The following PACSIN1 variants were observed in gnomAD, a reference collection of about 807,000 sequenced individuals.
The protein encoded by PACSIN1 is protein kinase C and casein kinase substrate in neurons protein 1.
PACSIN1 carries 15 observed loss-of-function variants against 59.5 expected under a neutral mutation model. That is an observed-to-expected ratio of 0.25 (90% CI 0.17 to 0.39). The LOEUF (loss-of-function observed/expected upper bound fraction) is 0.39. Ranked by LOEUF, PACSIN1 falls within the 10% of genes least tolerant of loss-of-function variation. PACSIN1 has a pLI of 1.00. For missense variants in PACSIN1, 420 were observed against 580.2 expected, an observed-to-expected ratio of 0.72 and a Z score of 2.84; for synonymous variants, 210 against 220.6, an observed-to-expected ratio of 0.95 and a Z score of 0.42.
intron 1 of PACSIN1, among the ~76,000 whole-genome samples, chr6:34,481,078 C>T (rs532559692): frequency 1.1e-4 from 17 of 151,986 alleles, no homozygotes; most frequent in Admixed American, 7.2e-4. Context: ...CAAGGTCTCA[C>T]TCTGTTGCCC....
At chr6:34,482,278 G>T (rs1157890906) in intron 1 of PACSIN1, among the ~76,000 whole-genome samples, 1 of 152,094 alleles carries the variant, frequency 6.6e-6, no homozygotes, top group Non-Finnish European at 1.5e-5. Flanking sequence ...TAGAGATGGG[G>T]TTTCACCATG....
At chr6:34,485,933 T>C (rs2127249098) in intron 1 of PACSIN1, among the ~76,000 whole-genome samples, 1 of 152,218 alleles carries the variant, frequency 6.6e-6, no homozygotes. Flanking sequence ...TGGACAGGCC[T>C]TTCCAGGAGT....
intron 1 of PACSIN1, among the ~76,000 whole-genome samples, chr6:34,487,696 C>G (rs77767536): frequency 0.013 from 1,984 of 152,156 alleles, 39 homozygotes; most frequent in African/African-American, 0.043. Flanking sequence ...GGCTTTGCAC[C>G]CTCGCATTGA....
rs962897415 is a variant in PACSIN1, at chr6:34,527,007, C to A, written c.64-325C>A. Among the ~76,000 whole-genome samples the A allele has an allele frequency of 6.6e-5, 10 of 152,306 alleles. No homozygotes were observed. In the South Asian group the frequency reaches 1.0e-3, roughly 16 times the overall value. ...ATATAATAGATTTAACTCGCAAAAA[C>A]AAAATGAATAATTCATTCCAGCCCA... On this transcript the variant is annotated intron_variant, in intron 2 of 9. Transcript: ENST00000244458.
chr6:34,488,894 A>C lies in PACSIN1; in HGVS notation c.-64+22624A>C, dbSNP rs1247181793. On this transcript the variant is annotated intron_variant, in intron 1 of 9. Coordinates refer to ENST00000244458, the MANE Select transcript of PACSIN1 (RefSeq NM_020804.5). The surrounding 1 kb of genome is among the most constrained non-coding windows in gnomAD (Gnocchi z 4.7). ...TTAAAGTGACAAATAAAAATTGACT[A>C]TATTGGCTGTGCGCAGTGGCTCACA... is the stretch of plus-strand genomic sequence containing the variant. Among the ~76,000 whole-genome samples, 1 of 151,892 alleles carries C rather than the reference A, an allele frequency of 6.6e-6. No homozygotes were observed. The highest frequency in any genetic ancestry group is 1.5e-5 in the Non-Finnish European group (1 of 67,950).
chr6:34,468,014 A>T (rs1476407196), intron 1 of PACSIN1, among the ~76,000 whole-genome samples: 1 of 152,202 alleles, frequency 6.6e-6, no homozygotes, highest in Non-Finnish European at 1.5e-5. Context: ...GGCTCTCCTC[A>T]GGCCGCTGGG....
intron 1 of PACSIN1, among the ~76,000 whole-genome samples, chr6:34,506,163 G>T (rs758453837): frequency 2.0e-5 from 3 of 151,964 alleles, no homozygotes; most frequent in Non-Finnish European, 4.4e-5. Context: ...GCATCTGTTG[G>T]TTGCCTTTTC....
intron 1 of PACSIN1, among the ~76,000 whole-genome samples, chr6:34,495,884 C>T (rs906368145): frequency 3.2e-4 from 49 of 152,320 alleles, no homozygotes; most frequent in East Asian, 3.9e-4. Context: ...CCCTCTGTCT[C>T]GCCCAGGCCC....
rs112660817 is a variant in PACSIN1 at position 34,479,348 on chromosome 6, C to T, written c.-64+13078C>T. Among the ~76,000 whole-genome samples the T allele has an allele frequency of 7.3e-4, 111 of 152,234 alleles. No individual in the cohort carries two copies. The Middle Eastern group carries it at 0.01, about 14-fold the overall frequency. On this transcript the variant is annotated intron_variant, in intron 1 of 9. Coordinates refer to ENST00000244458, the MANE Select transcript of PACSIN1 (RefSeq NM_020804.5). ...CCCCACTGGAACCCACCATTCTAAA[C>T]AGTTAGGGTTATTCACTGCTTTGTT...
chr6:34,508,180 T>G (rs1767143587), intron 1 of PACSIN1, among the ~76,000 whole-genome samples: 1 of 152,206 alleles, frequency 6.6e-6, no homozygotes, highest in Non-Finnish European at 1.5e-5. Context: ...CTCAGCTCAC[T>G]GCAACCTCCA....
rs1447664530 is a variant in PACSIN1 at position 34,521,020 on chromosome 6, T to A, written c.-63-5223T>A. ...GTGAATGTTAGAAGGTCCTTGGCAT[T>A]TATTCATTCATTCATTCAACAAAAG... On this transcript the variant is annotated intron_variant, in intron 1 of 9. Coordinates refer to ENST00000244458, the MANE Select transcript of PACSIN1 (RefSeq NM_020804.5). The surrounding 1 kb of genome is among the most constrained non-coding windows in gnomAD (Gnocchi z 4.3). 6.6e-6 allele frequency among the ~76,000 whole-genome samples: 1 copy of A among 152,226 alleles called. No homozygotes were observed. Among genetic ancestry groups the A allele is most frequent in the Non-Finnish European group, 1.5e-5 (1 of 68,032 alleles).
intron 1 of PACSIN1, among the ~76,000 whole-genome samples, chr6:34,467,804 CA>C: frequency 6.6e-6 from 1 of 152,158 alleles, no homozygotes; most frequent in African/African-American, 2.4e-5. Flanking sequence ...GTGATCTGCC[CA>C]CCTTGGCCTC....
chr6:34,520,167 C>T (rs181538116), intron 1 of PACSIN1, among the ~76,000 whole-genome samples: 4 of 152,208 alleles, frequency 2.6e-5, no homozygotes, highest in Admixed American at 2.0e-4. Context: ...CTAGTGGACA[C>T]GGTGCATCTC....
chr6:34,498,896 A>G (rs867887653), intron 1 of PACSIN1, among the ~76,000 whole-genome samples: 17 of 151,262 alleles, frequency 1.1e-4, no homozygotes, highest in Non-Finnish European at 2.5e-4. Context: ...AGTGGGCCCC[A>G]GCGTTTTTGG....
intron 1 of PACSIN1, among the ~76,000 whole-genome samples, chr6:34,486,711 T>TCTGTGGGCCCCTCTCTTTCCTCCTG (rs201292760): frequency 0.011 from 1,638 of 152,112 alleles, 38 homozygotes; most frequent in East Asian, 0.089. Context: ...GGGGCCCTCC[T>TCTGTGGGCCCCTCTCTTTCCTCCTG]CCGTGGGCCC....
intron 1 of PACSIN1, among the ~76,000 whole-genome samples, chr6:34,523,466 A>G (rs987295985): frequency 6.6e-6 from 1 of 152,210 alleles, no homozygotes; most frequent in Non-Finnish European, 1.5e-5. Context: ...GGTAGACTTG[A>G]CATGTGAATG....
At chr6:34,513,758 C>T (rs1448235335) in intron 1 of PACSIN1, among the ~76,000 whole-genome samples, 1 of 152,046 alleles carries the variant, frequency 6.6e-6, no homozygotes, top group Non-Finnish European at 1.5e-5. Flanking sequence ...GTCTCCAACC[C>T]CACCCCATCC....
At chr6:34,517,952 G>A (rs1186225764) in intron 1 of PACSIN1, among the ~76,000 whole-genome samples, 1 of 152,154 alleles carries the variant, frequency 6.6e-6, no homozygotes, top group Non-Finnish European at 1.5e-5. Context: ...TGTCTCCCTC[G>A]GGGGCTGGCT....
intron 1 of PACSIN1, among the ~76,000 whole-genome samples, chr6:34,475,663 A>G (rs1040156592): frequency 2.0e-5 from 3 of 152,160 alleles, no homozygotes; most frequent in African/African-American, 4.8e-5. Context: ...GGCAGCTCTC[A>G]GGGGAAGGGG....
Sources: allele counts gnomAD v4.1 joint callset (sites outside exome capture counted in the v4.1 genomes callset), GRCh38; gene constraint gnomAD v4.1.1; non-coding constraint Gnocchi (gnomAD v3.1); transcripts MANE v1.5; gene names NCBI Gene and HGNC (gene_info 2026-07-23, HGNC 2026-07-21).